CSNK1G3: variants seen among roughly 807,000 people sequenced by gnomAD.
The protein encoded by CSNK1G3 is casein kinase 1 gamma 3.
Under a neutral mutation model 64.3 loss-of-function variants are expected in CSNK1G3, and 23 were observed. The observed-to-expected ratio is 0.36, with a 90% CI of 0.26 to 0.51. The LOEUF (loss-of-function observed/expected upper bound fraction) is 0.51, where lower values mean the gene tolerates loss of function less well. CSNK1G3 is among the 20% of genes least tolerant of loss of function. CSNK1G3 has a pLI of 0.96. For synonymous variants in CSNK1G3, 158 were observed against 162.2 expected (o/e 0.97, Z 0.20); for missense variants, 357 against 510.5 (o/e 0.70, Z 2.90).
At chr5:123,535,186 A>G (rs969404912) in intron 1 of CSNK1G3, among the ~76,000 whole-genome samples, 1 of 152,150 alleles carries the variant, frequency 6.6e-6, no homozygotes, top group African/African-American at 2.4e-5. Context: ...TGTCACAACT[A>G]TTCAACTCTT....
At chr5:123,525,415 C>T (rs1001574103) in intron 1 of CSNK1G3, among the ~76,000 whole-genome samples, 2 of 151,578 alleles carry the variant, frequency 1.3e-5, no homozygotes, top group African/African-American at 4.9e-5. Flanking sequence ...GGTTCAAGCA[C>T]TTCTTCTGTC....
chr5:123,527,669 C>T (rs370851479), intron 1 of CSNK1G3, among the ~76,000 whole-genome samples: 19 of 152,160 alleles, frequency 1.2e-4, no homozygotes, highest in East Asian at 7.7e-4. Flanking sequence ...TAGAATATTT[C>T]GCTGTAGTTG....
chr5:123,557,224 C>T (rs866558164), intron 3 of CSNK1G3, among the ~76,000 whole-genome samples: 20 of 152,198 alleles, frequency 1.3e-4, no homozygotes, highest in Middle Eastern at 3.4e-3. Flanking sequence ...GATGAATGTT[C>T]AGAACATATT....
intron 1 of CSNK1G3, among the ~76,000 whole-genome samples, chr5:123,517,564 G>T (rs1004674791): frequency 6.6e-6 from 1 of 152,064 alleles, no homozygotes; most frequent in African/African-American, 2.4e-5. Context: ...AAAAAAATCT[G>T]CAATAATATT....
At chr5:123,572,363 T>G (rs1251895839) in intron 4 of CSNK1G3, among the ~76,000 whole-genome samples, 2 of 152,244 alleles carry the variant, frequency 1.3e-5, no homozygotes, top group African/African-American at 4.8e-5. Context: ...TGACTTCATA[T>G]TTGGAGTTTG....
At chr5:123,576,771 A>G (rs1438008686) in intron 6 of CSNK1G3, among the ~76,000 whole-genome samples, 1 of 152,114 alleles carries the variant, frequency 6.6e-6, no homozygotes, top group Admixed American at 6.6e-5. Flanking sequence ...CTTGGACGAT[A>G]TCTGCCAAAT....
intron 1 of CSNK1G3, among the ~76,000 whole-genome samples, chr5:123,520,461 T>C (rs1777905028): frequency 6.6e-6 from 1 of 151,376 alleles, no homozygotes; most frequent in South Asian, 2.1e-4. Flanking sequence ...ATTTCTACCA[T>C]CAGAAAAAAC....
chr5:123,591,338 T>C, exon 10 of CSNK1G3: 1 of 1,608,484 alleles, frequency 6.2e-7, no homozygotes, highest in Non-Finnish European at 8.5e-7. Flanking sequence ...GTGGGTGCAG[T>C]TCAGCAAGAT....
At chr5:123,563,547 G>A (rs187014637) in intron 4 of CSNK1G3, among the ~76,000 whole-genome samples, 5 of 152,034 alleles carry the variant, frequency 3.3e-5, no homozygotes, top group East Asian at 3.9e-4. Flanking sequence ...ATTTAGTTCC[G>A]TCTGCTGGTT....
At chr5:123,522,704 C>T (rs1778338768) in intron 1 of CSNK1G3, among the ~76,000 whole-genome samples, 1 of 151,954 alleles carries the variant, frequency 6.6e-6, no homozygotes, top group African/African-American at 2.4e-5. Context: ...AAAAAAAAGT[C>T]TGTGCATGTT....
chr5:123,566,843 T>A lies in CSNK1G3; in HGVS notation c.290-6550T>A, dbSNP rs527585743. 4.7e-5 allele frequency among the ~76,000 whole-genome samples: 7 copies of A among 149,654 alleles called. No individual in the cohort carries two copies. In the South Asian group the frequency reaches 1.5e-3, roughly 31 times the overall value. Reference sequence around the variant, plus strand: ...TTCGTAATAAAAATTAGGAAAAGTTTAAAAAAAAAAGTGAAGGTAGAAATC... The same window carrying A: ...TTCGTAATAAAAATTAGGAAAAGTTAAAAAAAAAAAGTGAAGGTAGAAATC... On this transcript the variant is annotated intron_variant, in intron 4 of 12. Transcript: ENST00000345990.
At position 123,554,885 on chromosome 5, in the gene CSNK1G3, TGCTCTAG is replaced by T. The variant is rs552511780; in HGVS notation, c.219+1742_219+1748del. Among the ~76,000 whole-genome samples the T allele has an allele frequency of 3.7e-3, 559 of 152,376 alleles. 3 individuals are homozygous for T. Among genetic ancestry groups the T allele is most frequent in the Middle Eastern group, 0.034 (10 of 294 alleles). On this transcript the variant is annotated intron_variant, in intron 3 of 12. Transcript: ENST00000345990. ...ACCATCGTGTCAAAGCAGAAACCCC[TGCTCTAG>T]GCTGAGCTTTCCTTGTCTGTTTCAT...
intron 10 of CSNK1G3, among the ~76,000 whole-genome samples, chr5:123,603,366 C>T (rs1317098625): frequency 6.6e-6 from 1 of 151,782 alleles, no homozygotes; most frequent in Non-Finnish European, 1.5e-5. Flanking sequence ...TGGGAATTTC[C>T]TCATTTTTAT....
At chr5:123,602,723 G>A (rs1387721457) in intron 10 of CSNK1G3, among the ~76,000 whole-genome samples, 1 of 152,120 alleles carries the variant, frequency 6.6e-6, no homozygotes, top group Non-Finnish European at 1.5e-5. Context: ...AGTTTAAGGT[G>A]CCAAACTTGG....
chr5:123,595,729 T>C (rs1467659148), intron 10 of CSNK1G3, among the ~76,000 whole-genome samples: 1 of 152,102 alleles, frequency 6.6e-6, no homozygotes, highest in Admixed American at 6.6e-5. Context: ...TTCAAAGCAG[T>C]CCCTTATTTA....
intron 1 of CSNK1G3, among the ~76,000 whole-genome samples, chr5:123,522,979 T>C (rs1778390123): frequency 6.6e-6 from 1 of 152,178 alleles, no homozygotes; most frequent in African/African-American, 2.4e-5. Context: ...GAGACCTAAG[T>C]GATATCTCTA....
At chr5:123,584,301 G>A (rs1377027885) in intron 6 of CSNK1G3, among the ~76,000 whole-genome samples, 4 of 151,644 alleles carry the variant, frequency 2.6e-5, no homozygotes, top group South Asian at 2.1e-4. Context: ...GACATTTTTC[G>A]TAGTTGTTGT....
At chr5:123,573,642 G>C in intron 5 of CSNK1G3, 101 bp downstream of exon 5, 1 of 1,049,264 alleles carries the variant, frequency 9.5e-7, no homozygotes. Context: ...GTCTTACAGA[G>C]CGTTTGACGT....
intron 6 of CSNK1G3, among the ~76,000 whole-genome samples, 184 bp downstream of exon 6, chr5:123,576,147 C>G (rs560319647): frequency 5.8e-4 from 88 of 152,232 alleles, no homozygotes; most frequent in African/African-American, 2.0e-3. Flanking sequence ...AAGTAAGTTA[C>G]TATAGAGTAA....
Sources: gnomAD v4.1 joint callset for allele counts (sites outside exome capture counted in the v4.1 genomes callset) on GRCh38, gnomAD v4.1.1 for gene constraint, MANE v1.5 for transcripts, NCBI Gene and HGNC (gene_info 2026-07-23, HGNC 2026-07-21) for gene names.